MPPED1: variants seen among roughly 807,000 people sequenced by gnomAD.
MPPED1 encodes the protein metallophosphoesterase domain-containing protein 1.
In MPPED1, 16 loss-of-function variants were observed where a neutral mutation model predicts 36.2. The ratio of observed to expected loss-of-function variants is 0.44; its 90% CI spans 0.30 to 0.67. The LOEUF (loss-of-function observed/expected upper bound fraction) is 0.67, where lower values mean the gene tolerates loss of function less well. Among genes scored for constraint, MPPED1 ranks in the 30% least tolerant of loss-of-function variants. The probability of loss-of-function intolerance (pLI) is 0.10; values close to 1 mark genes in which losing one functional copy is unlikely to be tolerated. For missense variants in MPPED1, 307 were observed against 453.4 expected, an observed-to-expected ratio of 0.68 and a Z score of 2.93; for synonymous variants, 199 against 191.3, an observed-to-expected ratio of 1.04 and a Z score of -0.33.
At chr22:43,465,728 G>A (rs965695116) in intron 3 of MPPED1, among the ~76,000 whole-genome samples, 1 of 152,176 alleles carries the variant, frequency 6.6e-6, no homozygotes, top group Non-Finnish European at 1.5e-5. Flanking sequence ...GATAAAGTGC[G>A]AGTTGAATTG....
At chr22:43,473,760 C>T (rs573794651) in intron 3 of MPPED1, among the ~76,000 whole-genome samples, 7 of 152,212 alleles carry the variant, frequency 4.6e-5, no homozygotes, top group African/African-American at 7.2e-5. Context: ...GGTGGTCTTG[C>T]GCCTGCATAG....
Position 43,498,243 on chromosome 22 carries a change from G to A in MPPED1, c.641G>A (p.Trp214Ter). Residue 214 changes from tryptophan (W) to a stop codon, truncating the protein, a stop_gained, in exon 5 of 7, where the codon TGG becomes TAG. Transcript: ENST00000443721. LOFTEE classifies it high-confidence loss of function. ...CTGCACTTCTTCTACAGGCAGCCCT[G>A]GTTCTACGGCTGGGGCTTCAACCTC... ...FRIYGSPWQP[W>*]FYGWGFNLPR... 6.5e-7 allele frequency: 1 copy of A among 1,534,854 alleles called. No individual in the cohort carries two copies. The highest frequency in any genetic ancestry group is 8.7e-7 in the Non-Finnish European group (1 of 1,146,222).
chr22:43,447,884 T>TATATATATA (rs1491157280), intron 3 of MPPED1, among the ~76,000 whole-genome samples: 2,285 of 45,702 alleles, frequency 0.05, 30 homozygotes, highest in Middle Eastern at 0.1. Context: ...TATATATATA[T>TATATATATA]TTTTTTTTTT....
intron 4 of MPPED1, among the ~76,000 whole-genome samples, chr22:43,485,362 A>G (rs1471080528): frequency 6.6e-6 from 1 of 152,114 alleles, no homozygotes; most frequent in East Asian, 1.9e-4. Flanking sequence ...ACACACATTC[A>G]TACACATATG....
At chr22:43,430,468 G>A (rs924429952) in intron 2 of MPPED1, among the ~76,000 whole-genome samples, 1 of 152,200 alleles carries the variant, frequency 6.6e-6, no homozygotes, top group Non-Finnish European at 1.5e-5. Flanking sequence ...ACAGCAAGGA[G>A]GAGGTCACTG....
rs1405973883 is a variant in MPPED1 at position 43,463,941 on chromosome 22, C to T, written c.407-10795C>T. Among the ~76,000 whole-genome samples the T allele has an allele frequency of 2.0e-5, 3 of 150,632 alleles. No individual in the cohort carries two copies. The Admixed American group carries it at 2.0e-4, about 10-fold the overall frequency. ...TTCTTTTCTTTGAGACAGAGTCTTG[C>T]TCTGTTGCCCAGGCTGGGGTGTAGT... On this transcript the variant is annotated intron_variant, in intron 3 of 6. Coordinates refer to ENST00000443721, the MANE Select transcript of MPPED1 (RefSeq NM_001044370.2).
chr22:43,503,179 A>G (rs1037684443), intron 6 of MPPED1, among the ~76,000 whole-genome samples: 1 of 152,144 alleles, frequency 6.6e-6, no homozygotes, highest in South Asian at 2.1e-4. Flanking sequence ...GGCATACAAT[A>G]GGTGCTTAAT....
intron 1 of MPPED1, among the ~76,000 whole-genome samples, chr22:43,419,660 G>A (rs1238545764): frequency 1.3e-5 from 2 of 151,826 alleles, no homozygotes; most frequent in African/African-American, 4.8e-5. Context: ...TGAGTTCTAG[G>A]ACATTCCTTC....
chr22:43,460,471 C>A (rs191688402), intron 3 of MPPED1, among the ~76,000 whole-genome samples: 5 of 152,058 alleles, frequency 3.3e-5, no homozygotes, highest in Admixed American at 3.3e-4. Flanking sequence ...GCTAAGACCA[C>A]AGGCGAGCAC....
intron 5 of MPPED1, among the ~76,000 whole-genome samples, chr22:43,500,286 ATGG>A (rs1932663896): frequency 4.3e-5 from 1 of 23,528 alleles, no homozygotes. Context: ...GGCGGTGGTG[ATGG>A]GGGTGGTGGT....
chr22:43,477,253 C>T (rs796084308), intron 4 of MPPED1, among the ~76,000 whole-genome samples: 1 of 152,246 alleles, frequency 6.6e-6, no homozygotes, highest in African/African-American at 2.4e-5. Context: ...AACACAAGGG[C>T]TGAACGCCCC....
intron 1 of MPPED1, among the ~76,000 whole-genome samples, chr22:43,414,406 G>C (rs1361186227): frequency 6.6e-6 from 1 of 152,068 alleles, no homozygotes; most frequent in Non-Finnish European, 1.5e-5. Context: ...AGAAAAATCA[G>C]CATTCTGGGT....
At chr22:43,484,391 C>T (rs1236097971) in intron 4 of MPPED1, among the ~76,000 whole-genome samples, 1 of 152,182 alleles carries the variant, frequency 6.6e-6, no homozygotes, top group East Asian at 1.9e-4. Context: ...CTGGCTCAGG[C>T]GTGTAGACTT....
intron 3 of MPPED1, among the ~76,000 whole-genome samples, chr22:43,452,721 C>T (rs1312161393): frequency 3.3e-5 from 5 of 152,084 alleles, no homozygotes; most frequent in Admixed American, 6.6e-5. Context: ...CTCGACTTCC[C>T]GGGCTTCAGC....
At chr22:43,500,157 GTGGTGA>G (rs1219299449) in intron 5 of MPPED1, among the ~76,000 whole-genome samples, 1 of 87,678 alleles carries the variant, frequency 1.1e-5, no homozygotes, top group African/African-American at 7.4e-5. Flanking sequence ...GGGGGTGGTG[GTGGTGA>G]TGGTGATGGA....
intron 4 of MPPED1, among the ~76,000 whole-genome samples, chr22:43,495,587 GTGGTGGAGGTGGTGA>G (rs1418662833): frequency 3.2e-5 from 3 of 94,710 alleles, no homozygotes; most frequent in South Asian, 3.6e-4. Context: ...GGAGGTGGTG[GTGGTGGAGGTGGTGA>G]TGGTGGAGGT....
chr22:43,459,388 A>G lies in MPPED1; in HGVS notation c.407-15348A>G, dbSNP rs73428325. 6.9e-3 allele frequency among the ~76,000 whole-genome samples: 1,049 copies of G among 152,324 alleles called. 9 individuals are homozygous for G. Among genetic ancestry groups the G allele is most frequent in the African/African-American group, 0.024 (1,011 of 41,566 alleles). The stretch of plus-strand genomic sequence containing the variant: ...CAGGCGTGAGCTATTGTTTGAGAAT[A>G]CAGCTATTGTTTCTTTAACTACTCT... On this transcript the variant is annotated intron_variant, in intron 3 of 6. Coordinates refer to ENST00000443721, the MANE Select transcript of MPPED1 (RefSeq NM_001044370.2).
intron 3 of MPPED1, among the ~76,000 whole-genome samples, chr22:43,437,252 G>A (rs1189704350): frequency 6.6e-6 from 1 of 152,208 alleles, no homozygotes; most frequent in Non-Finnish European, 1.5e-5. Context: ...GCACCTATTT[G>A]GTGCGTTTGG....
intron 1 of MPPED1, chr22:43,418,025 G>A: frequency 4.4e-6 from 2 of 456,100 alleles, no homozygotes; most frequent in South Asian, 1.5e-5. Flanking sequence ...CTCATTGACT[G>A]TCATCCGAGT....
Sources: allele counts gnomAD v4.1 joint callset (sites outside exome capture counted in the v4.1 genomes callset), GRCh38; gene constraint gnomAD v4.1.1; transcripts MANE v1.5; gene names NCBI Gene and HGNC (gene_info 2026-07-23, HGNC 2026-07-21).